Variants in ARIH1 observed in about 807,000 individuals in gnomAD.
ARIH1 encodes ariadne RBR E3 ubiquitin protein ligase 1, also known as E3 ubiquitin-protein ligase ARIH1.
In ARIH1, 8 loss-of-function variants were observed where a neutral mutation model predicts 85.0. The ratio of observed to expected loss-of-function variants is 0.09; its 90% confidence interval spans 0.06 to 0.17. The LOEUF is 0.17. Ranked by LOEUF, ARIH1 falls within the 10% of genes least tolerant of loss-of-function variation. ARIH1 has a pLI of 1.00. For synonymous variants in ARIH1, 238 were observed against 253.6 expected, an observed-to-expected ratio of 0.94 and a Z score of 0.59; for missense variants, 311 against 718.1, an observed-to-expected ratio of 0.43 and a Z score of 6.48.
intron 6 of ARIH1, 76 bp from the exon 7 acceptor site, chr15:72,563,318 C>A (rs1319644145): frequency 7.4e-7 from 1 of 1,346,106 alleles, no homozygotes; most frequent in South Asian, 1.2e-5. Context: ...CTTGGCCTCC[C>A]TAAGTTCTGG....
Position 72,474,607 on chromosome 15 carries a change from G to A in ARIH1, c.-33G>A, listed in dbSNP as rs2063785539. ...GCGTCCCCGCCCTCTCCCCGCCTCG[G>A]CCAGCGTCCGCCGGGCCCCCGCGCG... is the stretch of plus-strand genomic sequence containing the variant. On this transcript the variant is annotated 5_prime_UTR_variant, in exon 1 of 14. Transcript: ENST00000379887. 2.0e-6 allele frequency: 3 copies of A among 1,498,006 alleles called. No individual in the cohort carries two copies. Among genetic ancestry groups the A allele is most frequent in the Admixed American group, 4.4e-5 (2 of 45,314 alleles). The allele number at this position is 1,498,006 out of a possible 1,614,324, so 92.8% of individuals were successfully genotyped here.
intron 2 of ARIH1, among the ~76,000 whole-genome samples, chr15:72,526,876 T>A (rs1033854512): frequency 4.0e-4 from 60 of 149,922 alleles, no homozygotes; most frequent in African/African-American, 1.3e-3. Context: ...TTTTTTTTTT[T>A]AAATCTCTGC....
chr15:72,534,597 C>CT (rs1183533533), intron 2 of ARIH1, among the ~76,000 whole-genome samples: 1 of 152,154 alleles, frequency 6.6e-6, no homozygotes. Context: ...GCCAAGACAG[C>CT]TTTTCTCACT....
chr15:72,537,240 C>T (rs1472676479), intron 2 of ARIH1, among the ~76,000 whole-genome samples: 1 of 152,044 alleles, frequency 6.6e-6, no homozygotes, highest in African/African-American at 2.4e-5. Context: ...TGTAGTTATG[C>T]CAGTCATCTT....
chr15:72,510,960 G>A (rs1011018382), intron 1 of ARIH1, among the ~76,000 whole-genome samples: 2 of 151,716 alleles, frequency 1.3e-5, no homozygotes, highest in African/African-American at 4.8e-5. Context: ...GGCCACTCTA[G>A]TTTCCTTGGT....
chr15:72,559,325 A>G (rs1241874539), intron 5 of ARIH1, among the ~76,000 whole-genome samples: 1 of 152,062 alleles, frequency 6.6e-6, no homozygotes, highest in Non-Finnish European at 1.5e-5. Context: ...GGAGTGCAGT[A>G]GTGGCATGAT....
intron 11 of ARIH1, among the ~76,000 whole-genome samples, chr15:72,579,376 G>GA (rs1200228610): frequency 6.6e-6 from 1 of 152,098 alleles, no homozygotes. Context: ...CAGTGGTTGG[G>GA]GGGGGAGCCC....
chr15:72,529,892 G>A (rs2064048181), intron 2 of ARIH1, among the ~76,000 whole-genome samples: 1 of 152,208 alleles, frequency 6.6e-6, no homozygotes, highest in African/African-American at 2.4e-5. Flanking sequence ...TGAATTTTAA[G>A]TAAGTGAATT....
In ARIH1 at chr15:72,559,356, A is replaced by G. The variant is rs1003989241; in HGVS notation, c.738-2127A>G. Among the ~76,000 whole-genome samples, 5 of 151,484 alleles carry G rather than the reference A, an allele frequency of 3.3e-5. No individual in the cohort carries two copies. The East Asian group carries it at 7.7e-4, about 23-fold the overall frequency. On this transcript the variant is annotated intron_variant, in intron 5 of 13. Transcript: ENST00000379887. ...ATGATCTCGGCTCACTGCAACCTCT[A>G]CCTCCTAGGTTCAAGTGATTCTCCT...
intron 1 of ARIH1, among the ~76,000 whole-genome samples, chr15:72,480,796 C>A (rs751982867): frequency 2.6e-5 from 4 of 152,148 alleles, no homozygotes; most frequent in African/African-American, 4.8e-5. Flanking sequence ...AACTCCCGAC[C>A]TCAGGTGATC....
chr15:72,492,596 AT>A (rs948297143), intron 1 of ARIH1, among the ~76,000 whole-genome samples: 1 of 152,336 alleles, frequency 6.6e-6, no homozygotes, highest in African/African-American at 2.4e-5. Flanking sequence ...TTCCTTTGAA[AT>A]TTGGAAACGT....
intron 6 of ARIH1, 29 bp from the exon 7 acceptor site, chr15:72,563,365 C>A (rs752095956): frequency 2.5e-6 from 4 of 1,592,402 alleles, no homozygotes; most frequent in South Asian, 1.1e-5. Flanking sequence ...AGCCAGCTGT[C>A]ATTTTTTATT....
At position 72,474,682 on chromosome 15, in the gene ARIH1, G is replaced by A; in HGVS notation, c.43G>A (p.Glu15Lys). Residue 15 changes from glutamate (E) to lysine (K), a missense_variant, in exon 1 of 14, where the codon GAG becomes AAG. Coordinates refer to ENST00000379887, the MANE Select transcript of ARIH1 (RefSeq NM_005744.5). ...CTACAACTACGAGTTCGACGAGGACGAGGAGTGCAGTGAGGAGGACAGCGG... is the reference window on the plus strand; with the variant it reads ...CTACAACTACGAGTTCGACGAGGACAAGGAGTGCAGTGAGGAGGACAGCGG... ...EGYNYEFDED[E>K]ECSEEDSGAE... The A allele has an allele frequency of 1.9e-6, 3 of 1,574,734 alleles. No individual in the cohort carries two copies. The highest frequency in any genetic ancestry group is 1.7e-6 in the Non-Finnish European group (2 of 1,162,022).
In ARIH1 at chr15:72,589,611, A is replaced by G. The variant is rs2064332002; in HGVS notation, c.*6319A>G. On this transcript the variant is annotated 3_prime_UTR_variant, in exon 14 of 14. Transcript: ENST00000379887. ...CCAATCAGATCCATGGGGCAGGATC[A>G]TCAATACAAACATGGGTGTTGAGAG... 1 of 152,352 alleles carries G rather than the reference A, an allele frequency of 6.6e-6. No homozygotes were observed. The highest frequency in any genetic ancestry group is 1.9e-4 in the East Asian group (1 of 5,190). The allele number at this position is 152,352 out of a possible 1,614,324, so 9.4% of individuals were successfully genotyped here.
Position 72,602,671 on chromosome 15 carries a change from A to T in ARIH1, c.*19379A>T, listed in dbSNP as rs1255000592. The stretch of plus-strand genomic sequence containing the variant: ...TATTTTATGCAGTGTGAGGCCTTTC[A>T]TGCTCTGAAATGTACCACTCTTGAC... On this transcript the variant is annotated 3_prime_UTR_variant, in exon 14 of 14. Transcript: ENST00000379887. 6.6e-6 allele frequency: 1 copy of T among 152,208 alleles called. No individual in the cohort carries two copies. Among genetic ancestry groups the T allele is most frequent in the African/African-American group, 2.4e-5 (1 of 41,438 alleles). 9.4% of individuals were successfully genotyped at this position (152,208 alleles called of 1,614,324 possible).
intron 1 of ARIH1, among the ~76,000 whole-genome samples, chr15:72,510,127 T>C (rs888096791): frequency 5.3e-5 from 8 of 152,174 alleles, no homozygotes; most frequent in African/African-American, 1.9e-4. Context: ...TTAAATAGAA[T>C]TGTAAATCAA....
chr15:72,580,507 A>G (rs1046134372), intron 11 of ARIH1: 4 of 513,928 alleles, frequency 7.8e-6, no homozygotes, highest in Admixed American at 7.5e-5. Flanking sequence ...GAACCTCCCC[A>G]TACCATTTTC....
chr15:72,529,219 C>CTA (rs1595862289), intron 2 of ARIH1, among the ~76,000 whole-genome samples: 1 of 152,010 alleles, frequency 6.6e-6, no homozygotes, highest in East Asian at 1.9e-4. Flanking sequence ...AGCAAATGTA[C>CTA]TATCTCATTA....
chr15:72,577,211 C>T (rs1056580951), intron 11 of ARIH1, among the ~76,000 whole-genome samples: 6 of 151,816 alleles, frequency 4.0e-5, no homozygotes, highest in African/African-American at 1.5e-4. Flanking sequence ...TCTTGAACTC[C>T]TGACCTCAGG....
Sources: gnomAD v4.1 joint callset for allele counts (sites outside exome capture counted in the v4.1 genomes callset) on GRCh38, gnomAD v4.1.1 for gene constraint, MANE v1.5 for transcripts, NCBI Gene and HGNC (gene_info 2026-07-23, HGNC 2026-07-21) for gene names.